The following CC2D2B variants were observed in gnomAD, a reference collection of about 807,000 sequenced individuals.
The protein encoded by CC2D2B is protein CC2D2B.
CC2D2B carries 128 observed loss-of-function variants against 161.2 expected under a neutral mutation model. The ratio of observed to expected loss-of-function variants is 0.79; its 90% CI spans 0.69 to 0.92. The LOEUF is 0.92. Ranked by LOEUF, CC2D2B falls within the 40% of genes least tolerant of loss-of-function variation. CC2D2B has a pLI of 0.00. For missense variants in CC2D2B, 1,173 were observed against 1,375.1 expected, an observed-to-expected ratio of 0.85 and a Z score of 2.32; for synonymous variants, 391 against 449.8, an observed-to-expected ratio of 0.87 and a Z score of 1.65.
chr10:96,014,720 A>G (rs2079118398), intron 29 of CC2D2B, among the ~76,000 whole-genome samples: 1 of 152,192 alleles, frequency 6.6e-6, no homozygotes, highest in Non-Finnish European at 1.5e-5. Context: ...TCTGGACCTC[A>G]GGAAAACTTA....
chr10:95,917,584 A>G (rs1175826809), intron 2 of CC2D2B, among the ~76,000 whole-genome samples: 1 of 152,136 alleles, frequency 6.6e-6, no homozygotes, highest in Non-Finnish European at 1.5e-5. Context: ...TTGATGTTAC[A>G]ATGAGGCCTA....
In CC2D2B at chr10:95,909,750, A is replaced by G. The variant is rs139202524; in HGVS notation, c.-23-1551A>G. Among the ~76,000 whole-genome samples, 5 of 152,332 alleles carry G rather than the reference A, an allele frequency of 3.3e-5. No individual in the cohort carries two copies. In the East Asian group the frequency reaches 9.6e-4, roughly 29 times the overall value. ...ATTTTGCTAGCACTCCTGAAACCAAATGGCCTGTGACAGAAGTAACCAAGG... is the reference window on the plus strand; with the variant it reads ...ATTTTGCTAGCACTCCTGAAACCAAGTGGCCTGTGACAGAAGTAACCAAGG... On this transcript the variant is annotated intron_variant, in intron 1 of 34. Coordinates refer to ENST00000646931, the MANE Select transcript of CC2D2B (RefSeq NM_001349008.3).
intron 17 of CC2D2B, among the ~76,000 whole-genome samples, chr10:95,978,758 G>T (rs557078895): frequency 5.9e-5 from 9 of 152,058 alleles, no homozygotes; most frequent in Admixed American, 2.6e-4. Flanking sequence ...GAATTTCTGC[G>T]TACTATTTTT....
At chr10:95,969,953 T>C (rs888625448) in intron 15 of CC2D2B, among the ~76,000 whole-genome samples, 1 of 151,950 alleles carries the variant, frequency 6.6e-6, no homozygotes, top group South Asian at 2.1e-4. Flanking sequence ...AGTTAAGAGA[T>C]AAATTCACCA....
chr10:96,000,251 C>G, intron 24 of CC2D2B: 2 of 1,197,404 alleles, frequency 1.7e-6, no homozygotes, highest in Admixed American at 3.4e-5. Context: ...ATCATTTTGG[C>G]GAATTACTGG....
Position 95,937,992 on chromosome 10 carries a change from GACCAGTAA to G in CC2D2B, c.342_349del (p.Val115Ter), listed in dbSNP as rs772316083. 6.5e-7 allele frequency: 1 copy of G among 1,534,792 alleles called. No individual in the cohort carries two copies. Among genetic ancestry groups the G allele is most frequent in the South Asian group, 1.2e-5 (1 of 83,182 alleles). Reference sequence around the variant, plus strand: ...ATTTTCCTTTTTGGTATTCAACAGAGACCAGTAAACCGTAGTTATCCCAAATGCTTTTC... The same window carrying G: ...ATTTTCCTTTTTGGTATTCAACAGAGACCGTAGTTATCCCAAATGCTTTTC... On this transcript the variant is annotated frameshift_variant and splice_region_variant, in exon 7 of 35. Coordinates refer to ENST00000646931, the MANE Select transcript of CC2D2B (RefSeq NM_001349008.3). LOFTEE classifies it high-confidence loss of function.
At chr10:95,977,922 G>A (rs1279629314) in intron 17 of CC2D2B, among the ~76,000 whole-genome samples, 1 of 152,188 alleles carries the variant, frequency 6.6e-6, no homozygotes, top group Non-Finnish European at 1.5e-5. Flanking sequence ...ATGGGGAAGG[G>A]AGAAATGAGG....
At chr10:95,969,589 T>G (rs1235332200) in intron 15 of CC2D2B, among the ~76,000 whole-genome samples, 2 of 152,160 alleles carry the variant, frequency 1.3e-5, no homozygotes, top group African/African-American at 4.8e-5. Context: ...AGAATTGTAG[T>G]TACATATATA....
At chr10:95,989,552 T>A (rs2077867486) in intron 20 of CC2D2B, among the ~76,000 whole-genome samples, 1 of 152,354 alleles carries the variant, frequency 6.6e-6, no homozygotes, top group African/African-American at 2.4e-5. Flanking sequence ...AAAGAAGTGT[T>A]CTTGCTTATA....
intron 9 of CC2D2B, among the ~76,000 whole-genome samples, chr10:95,947,110 TA>T (rs1455931856): frequency 1.2e-3 from 46 of 38,156 alleles, no homozygotes; most frequent in South Asian, 8.7e-3. Flanking sequence ...TATATATATA[TA>T]TATTTTTTTT....
chr10:95,969,669 A>G (rs879696175), intron 15 of CC2D2B, among the ~76,000 whole-genome samples: 6 of 152,122 alleles, frequency 3.9e-5, no homozygotes, highest in Admixed American at 3.9e-4. Context: ...TTCATTATTC[A>G]TGTATTCAGG....
At chr10:95,994,101 G>C (rs528300952) in intron 22 of CC2D2B, among the ~76,000 whole-genome samples, 1 of 149,722 alleles carries the variant, frequency 6.7e-6, no homozygotes, top group Non-Finnish European at 1.5e-5. Context: ...AGAGAAAACC[G>C]CTGGGCCCAG....
At chr10:96,028,504 A>G (rs1459434302) in intron 34 of CC2D2B, among the ~76,000 whole-genome samples, 1 of 152,178 alleles carries the variant, frequency 6.6e-6, no homozygotes, top group Non-Finnish European at 1.5e-5. Flanking sequence ...GGAGAAAAGG[A>G]AACCTTTGTA....
intron 19 of CC2D2B, among the ~76,000 whole-genome samples, chr10:95,987,825 A>G (rs1278412783): frequency 6.6e-6 from 1 of 152,216 alleles, no homozygotes; most frequent in African/African-American, 2.4e-5. Context: ...AACTTTTCCA[A>G]ACTGCACAGT....
intron 11 of CC2D2B, among the ~76,000 whole-genome samples, chr10:95,960,931 C>A (rs2076738484): frequency 6.6e-6 from 1 of 152,150 alleles, no homozygotes; most frequent in Non-Finnish European, 1.5e-5. Context: ...ATCAAGACCT[C>A]TTGAGATTTT....
At chr10:95,946,499 T>A (rs1274398178) in intron 9 of CC2D2B, among the ~76,000 whole-genome samples, 6 of 152,222 alleles carry the variant, frequency 3.9e-5, no homozygotes, top group Admixed American at 2.6e-4. Context: ...ACAATTTAGT[T>A]GTTTTAAATG....
chr10:95,921,963 A>G, intron 2 of CC2D2B, 53 bp from the exon 3 acceptor site: 2 of 935,996 alleles, frequency 2.1e-6, no homozygotes, highest in South Asian at 3.2e-5. Flanking sequence ...ATAATAAAAG[A>G]TGTTCAGTGA....
chr10:96,019,432 T>C (rs1331492760), intron 31 of CC2D2B, 95 bp downstream of exon 31: 10 of 1,220,570 alleles, frequency 8.2e-6, no homozygotes, highest in Non-Finnish European at 1.0e-5. Flanking sequence ...ATATAGATAG[T>C]CTATCAGATT....
In CC2D2B at chr10:96,013,836, C is replaced by G; in HGVS notation, c.3475C>G (p.Pro1159Ala). 1 of 1,600,274 alleles carries G rather than the reference C, an allele frequency of 6.2e-7. No homozygotes were observed. The highest frequency in any genetic ancestry group is 8.5e-7 in the Non-Finnish European group (1 of 1,172,386). ...TTTGATTCCTTTTGTGCCTAATACA[C>G]CAGATGAAAATGATGGCTCTGATAT... ...VSLIPFVPNTPDENDGSDIWM... is the reference protein window; with the variant it reads ...VSLIPFVPNTADENDGSDIWM... The change falls in exon 29 of 35, where the codon CCA (proline) becomes GCA (alanine). Residue 1159 changes from proline to alanine, a missense_variant. Pro to Ala is a conservative substitution (Grantham distance 27). Transcript: ENST00000646931.
Sources: gnomAD v4.1 joint callset for allele counts (sites outside exome capture counted in the v4.1 genomes callset) on GRCh38, gnomAD v4.1.1 for gene constraint, MANE v1.5 for transcripts, NCBI Gene and HGNC (gene_info 2026-07-23, HGNC 2026-07-21) for gene names.